HACD1: variants seen among roughly 807,000 people sequenced by gnomAD.
HACD1 encodes very-long-chain (3R)-3-hydroxyacyl-CoA dehydratase 1.
Under a neutral mutation model 32.0 loss-of-function variants are expected in HACD1, and 41 were observed. The observed-to-expected ratio is 1.28, with a 90% confidence interval of 1.00 to 1.66. The LOEUF (loss-of-function observed/expected upper bound fraction) is 1.66, where lower values mean the gene tolerates loss of function less well. HACD1 is among the 40% of genes most tolerant of loss of function. The pLI is 0.00. For synonymous variants in HACD1, 142 were observed against 139.0 expected, an observed-to-expected ratio of 1.02 and a Z score of -0.15; for missense variants, 396 against 380.1, an observed-to-expected ratio of 1.04 and a Z score of -0.35.
chr10:17,598,655 T>C (rs1290905055), intron 5 of HACD1, among the ~76,000 whole-genome samples: 2 of 152,236 alleles, frequency 1.3e-5, no homozygotes, highest in African/African-American at 2.4e-5. Flanking sequence ...ATTTGTGACT[T>C]GTTCTCCAAA....
chr10:17,607,743 T>C (rs1834168626), intron 1 of HACD1, among the ~76,000 whole-genome samples: 1 of 152,078 alleles, frequency 6.6e-6, no homozygotes, highest in African/African-American at 2.4e-5. Context: ...CACTAAACTG[T>C]GGGAAATAAA....
At chr10:17,597,853 T>C (rs1490836803) in intron 5 of HACD1, among the ~76,000 whole-genome samples, 1 of 152,156 alleles carries the variant, frequency 6.6e-6, no homozygotes, top group Admixed American at 6.6e-5. Context: ...AACCTTCTTA[T>C]GACAGACAAG....
Position 17,599,270 on chromosome 10 carries a change from A to G in HACD1, c.605+20T>C, listed in dbSNP as rs782079831. The G allele has an allele frequency of 1.2e-6, 2 of 1,613,134 alleles. No individual in the cohort carries two copies. Among genetic ancestry groups the G allele is most frequent in the Non-Finnish European group, 1.7e-6 (2 of 1,179,764 alleles). ...AGCATGCACAGGACAAGGAGAAACT[A>G]AACTGCAAGATATCGCCACCTGGCC... On this transcript the variant is annotated intron_variant, in intron 5 of 6. Coordinates refer to ENST00000361271, the MANE Select transcript of HACD1 (RefSeq NM_014241.4).
At chr10:17,604,684 C>T (rs994089553) in intron 1 of HACD1, among the ~76,000 whole-genome samples, 3 of 151,954 alleles carry the variant, frequency 2.0e-5, no homozygotes, top group Non-Finnish European at 4.4e-5. Flanking sequence ...TTATGTGTTG[C>T]TGTCATCTTT....
chr10:17,616,712 C>T (rs567743376), intron 1 of HACD1, among the ~76,000 whole-genome samples: 6 of 151,958 alleles, frequency 3.9e-5, no homozygotes, highest in African/African-American at 1.4e-4. Flanking sequence ...GCGATCGCAG[C>T]ATGAAGCTCT....
At chr10:17,613,657 A>C (rs1476389437) in intron 1 of HACD1, among the ~76,000 whole-genome samples, 1 of 152,216 alleles carries the variant, frequency 6.6e-6, no homozygotes, top group Non-Finnish European at 1.5e-5. Flanking sequence ...AAATATGACA[A>C]GGAAACTTCT....
At chr10:17,594,703 G>A (rs959523149) in intron 5 of HACD1, among the ~76,000 whole-genome samples, 4 of 151,896 alleles carry the variant, frequency 2.6e-5, no homozygotes, top group African/African-American at 4.8e-5. Flanking sequence ...GATGGAGTTC[G>A]CTCTTGTCAC....
At chr10:17,610,571 C>G (rs1012226126) in intron 1 of HACD1, among the ~76,000 whole-genome samples, 1 of 151,824 alleles carries the variant, frequency 6.6e-6, no homozygotes, top group Non-Finnish European at 1.5e-5. Context: ...ATCACTTGAG[C>G]CTGGGAGGCT....
chr10:17,616,891 C>T (rs1181734041), intron 1 of HACD1, among the ~76,000 whole-genome samples, 192 bp downstream of exon 1: 1 of 152,044 alleles, frequency 6.6e-6, no homozygotes, highest in Non-Finnish European at 1.5e-5. Flanking sequence ...TAGGCAATGC[C>T]AGGCGCGCAG....
intron 1 of HACD1, among the ~76,000 whole-genome samples, chr10:17,610,894 G>A (rs1246071023): frequency 6.6e-6 from 1 of 151,698 alleles, no homozygotes; most frequent in Non-Finnish European, 1.5e-5. Flanking sequence ...TGTGTATTGT[G>A]TACAGACTAA....
At chr10:17,599,032 C>G (rs981375923) in intron 5 of HACD1, 5 of 502,984 alleles carry the variant, frequency 9.9e-6, no homozygotes, top group African/African-American at 8.1e-5. Context: ...AAATGAATGA[C>G]TAATTCTGAG....
chr10:17,615,930 T>C (rs1311090142), intron 1 of HACD1: 1 of 373,780 alleles, frequency 2.7e-6, no homozygotes. Flanking sequence ...ATCGCGCCAA[T>C]GCACTCCAGC....
intron 6 of HACD1, among the ~76,000 whole-genome samples, chr10:17,593,712 A>G (rs150381230): frequency 1.3e-5 from 2 of 152,310 alleles, no homozygotes; most frequent in East Asian, 3.9e-4. Flanking sequence ...CTTATTCAAA[A>G]TCCTTTAAGA....
chr10:17,591,467 C>T (rs1833927024), intron 6 of HACD1, among the ~76,000 whole-genome samples: 1 of 152,138 alleles, frequency 6.6e-6, no homozygotes, highest in African/African-American at 2.4e-5. Flanking sequence ...GAGCCTAAAG[C>T]AGAAGCTCCT....
intron 1 of HACD1, among the ~76,000 whole-genome samples, chr10:17,611,123 C>T (rs1481940633): frequency 1.3e-5 from 2 of 151,724 alleles, no homozygotes; most frequent in Non-Finnish European, 2.9e-5. Flanking sequence ...GCCTCAGTCT[C>T]CCGAGTAGCT....
In HACD1 at chr10:17,589,329, C is replaced by CTTAA. The variant is rs1399570433; in HGVS notation, c.*1031_*1034dup. 1.3e-5 allele frequency: 2 copies of CTTAA among 152,224 alleles called. No homozygotes were observed. The highest frequency in any genetic ancestry group is 2.4e-5 in the African/African-American group (1 of 41,418). The allele number at this position is 152,224 out of a possible 1,614,324, so 9.4% of individuals were successfully genotyped here. A position where few individuals can be genotyped will look rare whatever the true frequency, so the allele number is the denominator to read the frequency against. ...ACAGGGTCTTGCTCTGTCACCCAGG[C>CTTAA]TTAAGTACAGTGGTACCATCATAGC... is the stretch of plus-strand genomic sequence containing the variant. On this transcript the variant is annotated 3_prime_UTR_variant, in exon 7 of 7. Transcript: ENST00000361271.
Position 17,604,050 on chromosome 10 carries a change from A to G in HACD1, c.258-3T>C. ...TGGCAATAGCTAGAACCAACCACCT[A>G]AAAAAAAAAAGTATTTCATAAAGTT... On this transcript the variant is annotated splice_polypyrimidine_tract_variant and splice_region_variant and intron_variant, in intron 1 of 6. Transcript: ENST00000361271. 2.9e-6 allele frequency: 2 copies of G among 686,022 alleles called. No individual in the cohort carries two copies. The highest frequency in any genetic ancestry group is 4.1e-6 in the Non-Finnish European group (2 of 493,378). The allele number at this position is 686,022 out of a possible 1,614,324, so 42.5% of individuals were successfully genotyped here.
At chr10:17,599,132 A>G in intron 5 of HACD1, 158 bp downstream of exon 5, 1 of 1,253,248 alleles carries the variant, frequency 8.0e-7, no homozygotes, top group African/African-American at 1.5e-5. Flanking sequence ...TTTAGAATAC[A>G]AATCATAACT....
intron 1 of HACD1, among the ~76,000 whole-genome samples, chr10:17,605,943 G>T (rs782418092): frequency 2.0e-5 from 3 of 151,726 alleles, no homozygotes; most frequent in Non-Finnish European, 4.4e-5. Context: ...GACAGAGTGA[G>T]ACTCTGTCTC....
Sources: gnomAD v4.1 joint callset for allele counts (sites outside exome capture counted in the v4.1 genomes callset) on GRCh38, gnomAD v4.1.1 for gene constraint, MANE v1.5 for transcripts, NCBI Gene and HGNC (gene_info 2026-07-23, HGNC 2026-07-21) for gene names.